MAP4K4: variants seen among roughly 807,000 people sequenced by gnomAD.
MAP4K4 encodes the protein HPK/GCK-like kinase HGK.
In MAP4K4, 38 loss-of-function variants were observed where a neutral mutation model predicts 189.6. The observed-to-expected ratio is 0.20, with a 90% CI of 0.15 to 0.26. The LOEUF (loss-of-function observed/expected upper bound fraction) is 0.26. Ranked by LOEUF, MAP4K4 falls within the 10% of genes least tolerant of loss-of-function variation. The probability of loss-of-function intolerance (pLI) is 1.00; values close to 1 mark genes in which losing one functional copy is unlikely to be tolerated. For missense variants in MAP4K4, 1,054 were observed against 1,726.9 expected, an observed-to-expected ratio of 0.61 and a Z score of 6.91; for synonymous variants, 610 against 624.3, an observed-to-expected ratio of 0.98 and a Z score of 0.34.
intron 2 of MAP4K4, among the ~76,000 whole-genome samples, chr2:101,722,653 C>T (rs1235941149): frequency 6.6e-6 from 1 of 152,164 alleles, no homozygotes; most frequent in African/African-American, 2.4e-5. Flanking sequence ...ATTGTTTTCA[C>T]AGTTTGTAAA....
chr2:101,751,158 T>C (rs1432493395), intron 2 of MAP4K4, among the ~76,000 whole-genome samples: 1 of 152,196 alleles, frequency 6.6e-6, no homozygotes, highest in Admixed American at 6.5e-5. Context: ...ATTGGCATTT[T>C]TGTAAAGAAT....
chr2:101,768,605 CA>C (rs1422160716), intron 2 of MAP4K4, among the ~76,000 whole-genome samples: 5 of 152,122 alleles, frequency 3.3e-5, no homozygotes, highest in Non-Finnish European at 5.9e-5. Flanking sequence ...ACCCATCCCC[CA>C]AATAACAGTG....
At chr2:101,854,547 A>G (rs2097387058) in intron 12 of MAP4K4, among the ~76,000 whole-genome samples, 1 of 152,210 alleles carries the variant, frequency 6.6e-6, no homozygotes, top group Non-Finnish European at 1.5e-5. Context: ...AGACTGGACT[A>G]CCAAATCATC....
At chr2:101,806,374 C>CTT (rs35242042) in intron 3 of MAP4K4, among the ~76,000 whole-genome samples, 1,422 of 129,504 alleles carry the variant, frequency 0.011, 42 homozygotes, top group African/African-American at 0.039. Context: ...AGCTGTTTCA[C>CTT]TTTTTTTTTT....
At chr2:101,699,365 A>G (rs1250116405) in intron 2 of MAP4K4, among the ~76,000 whole-genome samples, 1 of 152,256 alleles carries the variant, frequency 6.6e-6, no homozygotes, top group Non-Finnish European at 1.5e-5. Flanking sequence ...TTCATTTTAT[A>G]CATTGTACAG....
At chr2:101,740,603 C>A (rs537717162) in intron 2 of MAP4K4, among the ~76,000 whole-genome samples, 1 of 152,116 alleles carries the variant, frequency 6.6e-6, no homozygotes, top group Non-Finnish European at 1.5e-5. Context: ...TGAAGCCATG[C>A]TTTTTGACCT....
intron 3 of MAP4K4, among the ~76,000 whole-genome samples, chr2:101,813,814 G>A (rs1049785473): frequency 1.3e-5 from 2 of 152,120 alleles, no homozygotes; most frequent in Admixed American, 6.5e-5. Context: ...AGTTAAGGTC[G>A]GTTTGAGTAA....
At chr2:101,846,552 T>C (rs1249218007) in intron 12 of MAP4K4, among the ~76,000 whole-genome samples, 1 of 152,070 alleles carries the variant, frequency 6.6e-6, no homozygotes, top group East Asian at 1.9e-4. Flanking sequence ...GTGGTGAAGG[T>C]GAGCGATGGT....
At chr2:101,885,499 T>G (rs2098467440) in intron 29 of MAP4K4, among the ~76,000 whole-genome samples, 2 of 152,200 alleles carry the variant, frequency 1.3e-5, no homozygotes, top group South Asian at 4.1e-4. Context: ...GAGAGATAAA[T>G]GTTGGGTAGA....
rs145490597 is a variant in MAP4K4, at chr2:101,730,525, A to G, written c.123+31987A>G. 6.7e-3 allele frequency among the ~76,000 whole-genome samples: 1,026 copies of G among 152,196 alleles called. 11 individuals carry two copies. The highest frequency in any genetic ancestry group is 0.024 in the African/African-American group (992 of 41,526). The stretch of plus-strand genomic sequence containing the variant: ...GGGTGGGGGAAGGAGCTGGTGCCCT[A>G]TTGTCCCGTGGGTCTCTATTACAGA... On this transcript the variant is annotated intron_variant, in intron 2 of 32. Coordinates refer to ENST00000324219, the Ensembl canonical transcript of MAP4K4.
chr2:101,818,280 T>C (rs903302938), intron 3 of MAP4K4, among the ~76,000 whole-genome samples: 1 of 152,236 alleles, frequency 6.6e-6, no homozygotes, highest in African/African-American at 2.4e-5. Flanking sequence ...TTTGTACATT[T>C]TGGTGCCGAA....
chr2:101,873,907 T>C (rs2098125128), intron 25 of MAP4K4, 143 bp downstream of exon 25: 3 of 787,682 alleles, frequency 3.8e-6, no homozygotes, highest in Non-Finnish European at 6.1e-6. Context: ...TATGCCTTAT[T>C]TGCAATGAGA....
chr2:101,767,900 C>G (rs923458113), intron 2 of MAP4K4, among the ~76,000 whole-genome samples: 1 of 152,100 alleles, frequency 6.6e-6, no homozygotes, highest in Non-Finnish European at 1.5e-5. Context: ...CTCCCCTCAC[C>G]CCCCCTTACT....
chr2:101,730,795 C>G (rs899102368), intron 2 of MAP4K4, among the ~76,000 whole-genome samples: 1 of 152,048 alleles, frequency 6.6e-6, no homozygotes, highest in African/African-American at 2.4e-5. Flanking sequence ...TGCCTGTAAT[C>G]CCAGCACTTT....
intron 3 of MAP4K4, among the ~76,000 whole-genome samples, chr2:101,806,374 C>CTTT (rs35242042): frequency 9.3e-5 from 12 of 129,538 alleles, no homozygotes; most frequent in African/African-American, 1.8e-4. Context: ...AGCTGTTTCA[C>CTTT]TTTTTTTTTT....
exon 33 of MAP4K4, chr2:101,892,896 A>G (rs1268135595): frequency 2.2e-6 from 1 of 456,464 alleles, no homozygotes; most frequent in East Asian, 6.9e-5. Context: ...CAGTCCTGCC[A>G]TCTTACTTTC....
intron 3 of MAP4K4, among the ~76,000 whole-genome samples, chr2:101,801,136 T>G (rs1339247138): frequency 6.6e-6 from 1 of 152,222 alleles, no homozygotes; most frequent in Non-Finnish European, 1.5e-5. Flanking sequence ...CTTTCAGCTT[T>G]GGGCGGCTGT....
intron 9 of MAP4K4, among the ~76,000 whole-genome samples, chr2:101,839,164 G>C (rs2096848449): frequency 6.6e-6 from 1 of 152,226 alleles, no homozygotes; most frequent in South Asian, 2.1e-4. Context: ...CAAGGCTAGG[G>C]CCATGGTCCT....
chr2:101,816,407 T>C (rs1396670902), intron 3 of MAP4K4, among the ~76,000 whole-genome samples: 1 of 152,204 alleles, frequency 6.6e-6, no homozygotes, highest in Non-Finnish European at 1.5e-5. Context: ...CACACCCTCC[T>C]TTAGAGCTGT....
Sources: allele counts gnomAD v4.1 joint callset (sites outside exome capture counted in the v4.1 genomes callset), GRCh38; gene constraint gnomAD v4.1.1; transcripts MANE v1.5; gene names NCBI Gene and HGNC (gene_info 2026-07-23, HGNC 2026-07-21).